UGT2B17: variants seen among roughly 807,000 people sequenced by gnomAD.
UGT2B17 encodes UDP-glucuronosyltransferase 2B17.
Under a neutral mutation model 48.2 loss-of-function variants are expected in UGT2B17, and 21 were observed. That is an observed-to-expected ratio of 0.44 (90% confidence interval 0.31 to 0.63). UGT2B17 has a LOEUF of 0.63. UGT2B17 is among the 20% of genes least tolerant of loss of function. The probability of loss-of-function intolerance (pLI) is 0.08; values close to 1 mark genes in which losing one functional copy is unlikely to be tolerated. For missense variants in UGT2B17, 402 were observed against 696.1 expected (o/e 0.58, Z 4.75); for synonymous variants, 146 against 238.4 (o/e 0.61, Z 3.57).
Position 68,543,078 on chromosome 4 carries a change from C to T in UGT2B17, c.1314-5174G>A, listed in dbSNP as rs1230021993. Reference sequence around the variant, plus strand: ...AGTCTTAAATGTCCCTGTCTGACAGCTTTGAAAAGAGTAGTGGTTCTCCCA... The same window carrying T: ...AGTCTTAAATGTCCCTGTCTGACAGTTTTGAAAAGAGTAGTGGTTCTCCCA... On this transcript the variant is annotated intron_variant, in intron 6 of 6. Transcript: ENST00000317746. Among the ~76,000 whole-genome samples the T allele has an allele frequency of 1.6e-5, 2 of 126,214 alleles. 1 individual carries two copies. Among genetic ancestry groups the T allele is most frequent in the East Asian group, 1.5e-3 (2 of 1,308 alleles). 82.8% of individuals were successfully genotyped at this position (126,214 alleles called of 152,430 possible).
chr4:68,545,595 A>G lies in UGT2B17; in HGVS notation c.1313+5082T>C, dbSNP rs1386345956. Among the ~76,000 whole-genome samples the G allele has an allele frequency of 1.6e-5, 2 of 126,098 alleles. 1 individual carries two copies. Among genetic ancestry groups the G allele is most frequent in the Non-Finnish European group, 3.4e-5 (2 of 59,598 alleles). 82.7% of individuals were successfully genotyped at this position (126,098 alleles called of 152,430 possible). On this transcript the variant is annotated intron_variant, in intron 6 of 6. Transcript: ENST00000317746. ...AAATCAGAGCAGAACTGAAGGAAAT[A>G]GAGACACAAAAAACTCTTCAAAAAA... is the stretch of plus-strand genomic sequence containing the variant.
chr4:68,568,195 C>T lies in UGT2B17; in HGVS notation c.290G>A (p.Trp97Ter), dbSNP rs1274787220. The T allele has an allele frequency of 1.5e-6, 2 of 1,374,444 alleles. No individual in the cohort carries two copies. The highest frequency in any genetic ancestry group is 1.9e-6 in the Non-Finnish European group (2 of 1,052,222). 85.1% of individuals were successfully genotyped at this position (1,374,444 alleles called of 1,614,324 possible). ...TGTATTTTTTGAAATACTATATGTC[C>T]ATCTATCGAACATTTTCATAAAAAA... ...EDFFMKMFDR[W>*]TYSISKNTFW... Residue 97 changes from tryptophan to a stop codon, truncating the protein, a stop_gained, in exon 2 of 7, where the codon TGG becomes TAG. Transcript: ENST00000317746. LOFTEE classifies it high-confidence loss of function.
Position 68,568,069 on chromosome 4 carries a change from C to A in UGT2B17, c.416G>T (p.Arg139Ile), listed in dbSNP as rs1286962315. ...ATCAAATTTTGACTCTTGTAGTTTT[C>A]TCATAAGTTTCTTGTTCAAAACTGC... Reference protein sequence around the residue: ...EDAVLNKKLMRKLQESKFDVL... With the variant: ...EDAVLNKKLMIKLQESKFDVL... The change falls in exon 2 of 7, where the codon AGA becomes ATA. Residue 139 changes from arginine (R) to isoleucine (I), a missense_variant. Arg to Ile is a moderately conservative substitution (Grantham distance 97). This residue lies in a region of UGT2B17 where 84 missense variants were observed against 92.6 expected (regional missense o/e 0.91). Coordinates refer to ENST00000317746, the MANE Select transcript of UGT2B17 (RefSeq NM_001077.4). The A allele has an allele frequency of 1.4e-6, 2 of 1,382,958 alleles. No homozygotes were observed. Among genetic ancestry groups the A allele is most frequent in the Non-Finnish European group, 1.9e-6 (2 of 1,055,458 alleles). 85.7% of individuals were successfully genotyped at this position (1,382,958 alleles called of 1,614,324 possible).
rs560760383 is a variant in UGT2B17 at position 68,560,105 on chromosome 4, G to A, written c.1005+432C>T. 1.2e-3 allele frequency among the ~76,000 whole-genome samples: 148 copies of A among 123,876 alleles called. 16 individuals are homozygous for A. The highest frequency in any genetic ancestry group is 2.0e-3 in the Non-Finnish European group (113 of 57,928). 81.3% of individuals were successfully genotyped at this position (123,876 alleles called of 152,430 possible). ...ACGAAGCTGCATGATGCATTTCAAA[G>A]TTTTTTCAATACCTGCTTATTGTTA... is the stretch of plus-strand genomic sequence containing the variant. On this transcript the variant is annotated intron_variant, in intron 4 of 6. Coordinates refer to ENST00000317746, the MANE Select transcript of UGT2B17 (RefSeq NM_001077.4).
At chr4:68,572,702 G>A (rs1404024192) in intron 1 of UGT2B17, among the ~76,000 whole-genome samples, 1 of 126,820 alleles carries the variant, frequency 7.9e-6, no homozygotes, top group African/African-American at 2.7e-5. Context: ...GTGACTTGAT[G>A]TATATACTGG....
chr4:68,550,653 T>A lies in UGT2B17; in HGVS notation c.1313+24A>T. The A allele has an allele frequency of 1.5e-6, 2 of 1,353,882 alleles. 1 individual carries two copies. The highest frequency in any genetic ancestry group is 4.0e-5 in the Admixed American group (2 of 49,438). The allele number at this position is 1,353,882 out of a possible 1,614,324, so 83.9% of individuals were successfully genotyped here. On this transcript the variant is annotated intron_variant, in intron 6 of 6. Coordinates refer to ENST00000317746, the MANE Select transcript of UGT2B17 (RefSeq NM_001077.4). Reference sequence around the variant, plus strand: ...GACAAAATAATTTGTAAGTACCACCTGGTCACAAAATTGTAATACTCACAT... The same window carrying A: ...GACAAAATAATTTGTAAGTACCACCAGGTCACAAAATTGTAATACTCACAT...
At position 68,561,435 on chromosome 4, in the gene UGT2B17, T is replaced by C. The variant is rs1731101447; in HGVS notation, c.874-767A>G. 1.6e-5 allele frequency among the ~76,000 whole-genome samples: 2 copies of C among 125,202 alleles called. 1 individual carries two copies. The highest frequency in any genetic ancestry group is 3.4e-5 in the Non-Finnish European group (2 of 59,400). The allele number at this position is 125,202 out of a possible 152,430, so 82.1% of individuals were successfully genotyped here. Reference sequence around the variant, plus strand: ...TATACTATTTAGTTACATAATTAAGTGATCTTATTTCTCAGATCATTGTTT... The same window carrying C: ...TATACTATTTAGTTACATAATTAAGCGATCTTATTTCTCAGATCATTGTTT... On this transcript the variant is annotated intron_variant, in intron 3 of 6. Transcript: ENST00000317746.
rs1250341200 is a variant in UGT2B17 at position 68,558,875 on chromosome 4, T to C, written c.1005+1662A>G. ...GATAAATGCATATCTGATTGCCTCC[T>C]TTGGAGAGCCTAATCAGAAGCTCAA... is the stretch of plus-strand genomic sequence containing the variant. On this transcript the variant is annotated intron_variant, in intron 4 of 6. Coordinates refer to ENST00000317746, the MANE Select transcript of UGT2B17 (RefSeq NM_001077.4). 4.8e-5 allele frequency among the ~76,000 whole-genome samples: 6 copies of C among 125,846 alleles called. 2 individuals carry two copies. The highest frequency in any genetic ancestry group is 1.0e-4 in the Non-Finnish European group (6 of 59,392). The allele number at this position is 125,846 out of a possible 152,430, so 82.6% of individuals were successfully genotyped here.
chr4:68,575,335 G>A (rs1333363255), intron 1 of UGT2B17, among the ~76,000 whole-genome samples: 1 of 121,762 alleles, frequency 8.2e-6, no homozygotes, highest in Non-Finnish European at 1.7e-5. Flanking sequence ...TGGGTGCCTT[G>A]GCTTACAGGT....
At chr4:68,550,996 G>C in intron 5 of UGT2B17, 100 bp from the exon 6 acceptor site, 1 of 850,634 alleles carries the variant, frequency 1.2e-6, no homozygotes, top group Non-Finnish European at 1.6e-6. Flanking sequence ...CTGTTCCCTA[G>C]GTAACATTAT....
At position 68,567,993 on chromosome 4, in the gene UGT2B17, T is replaced by C. The variant is rs762063686; in HGVS notation, c.492A>G (p.Leu164=). Residue 164 remains leucine (L), a synonymous_variant, in exon 2 of 7, where the codon CTA becomes CTG. Coordinates refer to ENST00000317746, the MANE Select transcript of UGT2B17 (RefSeq NM_001077.4). ...VNPCGELLAE[L]LNIPFLYSLR... ...GACTGTACAGAAAGGGTATGTTAAG[T>C]AGCTCAGCCAGCAGCTCACCACAGG... The C allele has an allele frequency of 3.6e-6, 5 of 1,382,132 alleles. 2 individuals are homozygous for C. Among genetic ancestry groups the C allele is most frequent in the African/African-American group, 3.0e-5 (2 of 67,706 alleles). The allele number at this position is 1,382,132 out of a possible 1,614,324, so 85.6% of individuals were successfully genotyped here. A position where few individuals can be genotyped will look rare whatever the true frequency, so the allele number is the denominator to read the frequency against.
At chr4:68,549,601 G>C (rs1212857475) in intron 6 of UGT2B17, among the ~76,000 whole-genome samples, 1 of 125,098 alleles carries the variant, frequency 8.0e-6, no homozygotes, top group African/African-American at 2.7e-5. Context: ...CATAATGAGA[G>C]ACCACTTTAC....
At chr4:68,558,768 T>G (rs752748857) in intron 4 of UGT2B17, among the ~76,000 whole-genome samples, 2 of 125,000 alleles carry the variant, frequency 1.6e-5, no homozygotes, top group Admixed American at 8.2e-5. Context: ...AAATGTAAAA[T>G]GAAAATAAAC....
chr4:68,559,147 T>C lies in UGT2B17; in HGVS notation c.1005+1390A>G, dbSNP rs1305275635. 1.4e-4 allele frequency among the ~76,000 whole-genome samples: 18 copies of C among 125,322 alleles called. 4 individuals are homozygous for C. Among genetic ancestry groups the C allele is most frequent in the Non-Finnish European group, 2.5e-4 (15 of 59,328 alleles). The allele number at this position is 125,322 out of a possible 152,430, so 82.2% of individuals were successfully genotyped here. On this transcript the variant is annotated intron_variant, in intron 4 of 6. Coordinates refer to ENST00000317746, the MANE Select transcript of UGT2B17 (RefSeq NM_001077.4). ...TAAATTTATTAATTTTTGAGTGATA[T>C]GGGAAGAGTTTACTTATATCCACTT...
Position 68,554,362 on chromosome 4 carries a change from G to A in UGT2B17, c.1006-2451C>T, listed in dbSNP as rs1250558610. ...AGTTTATGTAAAATGAAGGTAATAC[G>A]GTCTTTGTGCACATATACATTAAGA... On this transcript the variant is annotated intron_variant, in intron 4 of 6. Transcript: ENST00000317746. 3.2e-5 allele frequency among the ~76,000 whole-genome samples: 4 copies of A among 126,014 alleles called. 1 individual carries two copies. Among genetic ancestry groups the A allele is most frequent in the African/African-American group, 8.1e-5 (3 of 36,998 alleles). The allele number at this position is 126,014 out of a possible 152,430, so 82.7% of individuals were successfully genotyped here.
rs543007290 is a variant in UGT2B17, at chr4:68,537,939, G to A, written c.1314-35C>T. 2.4e-6 allele frequency: 3 copies of A among 1,273,446 alleles called. 1 individual carries two copies. The highest frequency in any genetic ancestry group is 3.0e-6 in the Non-Finnish European group (3 of 987,806). The allele number at this position is 1,273,446 out of a possible 1,614,324, so 78.9% of individuals were successfully genotyped here. A position where few individuals can be genotyped will look rare whatever the true frequency, so the allele number is the denominator to read the frequency against. On this transcript the variant is annotated intron_variant, in intron 6 of 6. Transcript: ENST00000317746. Reference sequence around the variant, plus strand: ...AAATATAAAGATATCAACATTAAAAGTAAATTTATTGCTTAAGCATATCAA... The same window carrying A: ...AAATATAAAGATATCAACATTAAAAATAAATTTATTGCTTAAGCATATCAA...
chr4:68,544,057 A>G lies in UGT2B17; in HGVS notation c.1314-6153T>C, dbSNP rs1358743127. ...CCCCAATCTAGCAAGGCAGGCTGACATTCAAATTCAAGACATACAGAGAAT... is the reference window on the plus strand; with the variant it reads ...CCCCAATCTAGCAAGGCAGGCTGACGTTCAAATTCAAGACATACAGAGAAT... On this transcript the variant is annotated intron_variant, in intron 6 of 6. Coordinates refer to ENST00000317746, the MANE Select transcript of UGT2B17 (RefSeq NM_001077.4). 1.6e-5 allele frequency among the ~76,000 whole-genome samples: 2 copies of G among 126,218 alleles called. 1 individual carries two copies. Among genetic ancestry groups the G allele is most frequent in the African/African-American group, 5.4e-5 (2 of 36,878 alleles). 82.8% of individuals were successfully genotyped at this position (126,218 alleles called of 152,430 possible). A position where few individuals can be genotyped will look rare whatever the true frequency, so the allele number is the denominator to read the frequency against.
At position 68,561,000 on chromosome 4, in the gene UGT2B17, A is replaced by G. The variant is rs1731092833; in HGVS notation, c.874-332T>C. On this transcript the variant is annotated intron_variant, in intron 3 of 6. Transcript: ENST00000317746. ...TATTTATAATATTATAATTACTAACATAGGTTATTGGAAGGTAGCTTTACT... is the reference window on the plus strand; with the variant it reads ...TATTTATAATATTATAATTACTAACGTAGGTTATTGGAAGGTAGCTTTACT... 1.6e-5 allele frequency among the ~76,000 whole-genome samples: 2 copies of G among 124,492 alleles called. 1 individual carries two copies. The highest frequency in any genetic ancestry group is 1.7e-4 in the Admixed American group (2 of 12,108). The allele number at this position is 124,492 out of a possible 152,430, so 81.7% of individuals were successfully genotyped here.
In UGT2B17 at chr4:68,550,184, T is replaced by A. The variant is rs976290907; in HGVS notation, c.1313+493A>T. ...GAGCTCACAAAAATGTTATTTAGGGTTGTGGCTTCGTAACTATGTAAACAT... is the reference window on the plus strand; with the variant it reads ...GAGCTCACAAAAATGTTATTTAGGGATGTGGCTTCGTAACTATGTAAACAT... On this transcript the variant is annotated intron_variant, in intron 6 of 6. Coordinates refer to ENST00000317746, the MANE Select transcript of UGT2B17 (RefSeq NM_001077.4). 1.6e-5 allele frequency among the ~76,000 whole-genome samples: 2 copies of A among 124,668 alleles called. 1 individual carries two copies. Among genetic ancestry groups the A allele is most frequent in the Admixed American group, 1.7e-4 (2 of 12,064 alleles). The allele number at this position is 124,668 out of a possible 152,430, so 81.8% of individuals were successfully genotyped here.
Sources: gnomAD v4.1 joint callset for allele counts (sites outside exome capture counted in the v4.1 genomes callset) on GRCh38, gnomAD v4.1.1 for gene constraint, gnomAD v4.1.1 regional missense constraint, MANE v1.5 for transcripts, NCBI Gene and HGNC (gene_info 2026-07-23, HGNC 2026-07-21) for gene names.